The following AK5 variants were observed in gnomAD, a reference collection of about 807,000 sequenced individuals.
AK5 encodes adenylate kinase isoenzyme 5.
Under a neutral mutation model 69.5 loss-of-function variants are expected in AK5, and 27 were observed. That is an observed-to-expected ratio of 0.39 (90% CI 0.29 to 0.54). The LOEUF (loss-of-function observed/expected upper bound fraction) is 0.54, where lower values mean the gene tolerates loss of function less well. Ranked by LOEUF, AK5 falls within the 20% of genes least tolerant of loss-of-function variation. The pLI, the probability that AK5 is intolerant of heterozygous loss-of-function variation, is 0.71. For missense variants in AK5, 531 were observed against 700.4 expected, an observed-to-expected ratio of 0.76 and a Z score of 2.73; for synonymous variants, 260 against 244.4, an observed-to-expected ratio of 1.06 and a Z score of -0.60.
intron 6 of AK5, among the ~76,000 whole-genome samples, chr1:77,360,685 TGA>T (rs1470193833): frequency 6.6e-6 from 1 of 152,204 alleles, no homozygotes; most frequent in Non-Finnish European, 1.5e-5. Flanking sequence ...TTTTTGGGAA[TGA>T]GAGACTTGAG....
At chr1:77,422,649 C>T (rs1225421072) in intron 8 of AK5, among the ~76,000 whole-genome samples, 1 of 152,158 alleles carries the variant, frequency 6.6e-6, no homozygotes, top group Non-Finnish European at 1.5e-5. Flanking sequence ...AAACCCTTCT[C>T]TTGTCACAGG....
intron 6 of AK5, among the ~76,000 whole-genome samples, chr1:77,409,958 C>T (rs1043584537): frequency 6.6e-6 from 1 of 152,074 alleles, no homozygotes; most frequent in Non-Finnish European, 1.5e-5. Context: ...CTTCTGCATA[C>T]GGCTAGCCAG....
chr1:77,393,957 T>C (rs1253844191), intron 6 of AK5, among the ~76,000 whole-genome samples: 1 of 152,102 alleles, frequency 6.6e-6, no homozygotes, highest in African/African-American at 2.4e-5. Context: ...CTCATGCCTG[T>C]TCATCCCAGC....
intron 5 of AK5, among the ~76,000 whole-genome samples, chr1:77,326,260 C>T (rs1378152193): frequency 1.3e-5 from 2 of 152,108 alleles, no homozygotes; most frequent in East Asian, 3.9e-4. Flanking sequence ...ACTTAATAGC[C>T]TTATGAATTT....
intron 2 of AK5, among the ~76,000 whole-genome samples, chr1:77,291,505 C>G (rs947311157): frequency 1.3e-5 from 2 of 152,110 alleles, no homozygotes; most frequent in Admixed American, 6.6e-5. Context: ...CCCTCCCCTG[C>G]AAATCCTCCA....
intron 5 of AK5, among the ~76,000 whole-genome samples, chr1:77,311,053 G>T (rs2100292344): frequency 6.6e-6 from 1 of 152,108 alleles, no homozygotes; most frequent in East Asian, 1.9e-4. Flanking sequence ...GTGTTTGTGG[G>T]TATGTCTGTT....
chr1:77,510,273 C>T (rs1216868288), intron 10 of AK5, among the ~76,000 whole-genome samples: 1 of 152,094 alleles, frequency 6.6e-6, no homozygotes, highest in Non-Finnish European at 1.5e-5. Flanking sequence ...AGGAAGAGAA[C>T]GTGAGCAAAC....
At chr1:77,301,007 C>T (rs1659310828) in intron 5 of AK5, among the ~76,000 whole-genome samples, 1 of 152,126 alleles carries the variant, frequency 6.6e-6, no homozygotes, top group Non-Finnish European at 1.5e-5. Flanking sequence ...CCCAAGATTT[C>T]CTCACAGATC....
At chr1:77,356,306 A>C (rs924054366) in intron 6 of AK5, among the ~76,000 whole-genome samples, 21 of 152,340 alleles carry the variant, frequency 1.4e-4, no homozygotes, top group Non-Finnish European at 2.6e-4. Flanking sequence ...AGTAAGTGCT[A>C]AATAAATATT....
intron 5 of AK5, among the ~76,000 whole-genome samples, chr1:77,300,791 C>A (rs565125758): frequency 2.0e-5 from 3 of 152,254 alleles, no homozygotes; most frequent in Non-Finnish European, 4.4e-5. Context: ...TCTATAAATT[C>A]AAGGTTTCCA....
intron 8 of AK5, among the ~76,000 whole-genome samples, chr1:77,482,356 G>C (rs1374577613): frequency 6.6e-6 from 1 of 152,178 alleles, no homozygotes; most frequent in Non-Finnish European, 1.5e-5. Flanking sequence ...AAGGAATAGA[G>C]CATCTGTTTG....
At chr1:77,544,625 T>A (rs1269368072) in intron 13 of AK5, among the ~76,000 whole-genome samples, 1 of 151,968 alleles carries the variant, frequency 6.6e-6, no homozygotes, top group Non-Finnish European at 1.5e-5. Context: ...AGGGTTAGAA[T>A]CATCATGCCA....
At chr1:77,409,114 T>C (rs1398838496) in intron 6 of AK5, among the ~76,000 whole-genome samples, 1 of 152,262 alleles carries the variant, frequency 6.6e-6, no homozygotes, top group Non-Finnish European at 1.5e-5. Context: ...TATGGCTGCA[T>C]AGTATTCCAT....
chr1:77,491,926 G>T (rs1482041496), intron 10 of AK5, among the ~76,000 whole-genome samples: 1 of 151,988 alleles, frequency 6.6e-6, no homozygotes, highest in Non-Finnish European at 1.5e-5. Flanking sequence ...ATGGATTTTT[G>T]CAAAAATCAC....
At chr1:77,411,194 A>AC in intron 7 of AK5, 123 bp downstream of exon 7, 4 of 738,464 alleles carry the variant, frequency 5.4e-6, no homozygotes, top group Admixed American at 3.0e-5. Flanking sequence ...AAAGTCTTAT[A>AC]CTTTCTGGTA....
intron 12 of AK5, among the ~76,000 whole-genome samples, chr1:77,522,838 G>T (rs1658069315): frequency 6.6e-6 from 1 of 152,110 alleles, no homozygotes; most frequent in Non-Finnish European, 1.5e-5. Context: ...TATTTATAGA[G>T]ATATCTCTTC....
At chr1:77,337,182 G>A (rs193066080) in intron 5 of AK5, among the ~76,000 whole-genome samples, 101 of 152,160 alleles carry the variant, frequency 6.6e-4, no homozygotes, top group Middle Eastern at 3.4e-3. Context: ...TCAAGCTGTC[G>A]CTAGTGTTTC....
intron 6 of AK5, among the ~76,000 whole-genome samples, chr1:77,406,997 C>G (rs983640100): frequency 4.0e-5 from 6 of 151,506 alleles, no homozygotes; most frequent in African/African-American, 1.5e-4. Flanking sequence ...CAGCATCCAA[C>G]AAGGTCAAAT....
At chr1:77,324,980 C>CTTTTTTTTTTTTTTTT (rs374298984) in intron 5 of AK5, among the ~76,000 whole-genome samples, 9 of 139,198 alleles carry the variant, frequency 6.5e-5, no homozygotes, top group East Asian at 4.2e-4. Flanking sequence ...TTACGAGCTA[C>CTTTTTTTTTTTTTTTT]TTTTTTTTTT....
Sources: allele counts gnomAD v4.1 joint callset (sites outside exome capture counted in the v4.1 genomes callset), GRCh38; gene constraint gnomAD v4.1.1; transcripts MANE v1.5; gene names NCBI Gene and HGNC (gene_info 2026-07-23, HGNC 2026-07-21).